DLX5: variants seen among roughly 807,000 people sequenced by gnomAD.
DLX5 encodes distal-less homeobox 5, also known as homeobox protein DLX-5.
In DLX5, 8 loss-of-function variants were observed where a neutral mutation model predicts 27.1. That is an observed-to-expected ratio of 0.30 (90% confidence interval 0.17 to 0.53). The LOEUF (loss-of-function observed/expected upper bound fraction) is 0.53. Among genes scored for constraint, DLX5 ranks in the 20% least tolerant of loss-of-function variants. DLX5 has a pLI of 0.95. For synonymous variants in DLX5, 178 were observed against 161.9 expected (o/e 1.10, Z -0.75); for missense variants, 339 against 375.1 (o/e 0.90, Z 0.80).
chr7:97,022,450 G>T (rs771156953), intron 1 of DLX5, 81 bp from the exon 2 acceptor site: 120 of 1,582,780 alleles, frequency 7.6e-5, no homozygotes, highest in Non-Finnish European at 1.0e-4. Flanking sequence ...TAGAGTCCTA[G>T]AGTTTCTTAC....
At chr7:97,022,578 G>C (rs190382717) in intron 1 of DLX5, 4 of 985,452 alleles carry the variant, frequency 4.1e-6, no homozygotes, top group Non-Finnish European at 4.8e-6. Flanking sequence ...TTCCTACTCT[G>C]TTCATTCAGA....
chr7:97,023,421 T>A (rs1790119274), intron 1 of DLX5, among the ~76,000 whole-genome samples: 1 of 151,634 alleles, frequency 6.6e-6, no homozygotes, highest in African/African-American at 2.4e-5. Flanking sequence ...TGGTCTCAAT[T>A]CTGCCAGAGT....
rs1297022233 is a variant in DLX5, at chr7:97,021,000, G to T, written c.606C>A (p.Pro202=). ...IKKIMKNGEM[P]PEHSPSSSDP... is the part of the protein sequence containing the mutation. ...CGCTGGAGCTGGGACTGTGCTCCGG[G>T]GGCATCTCCCCGTTTTTCATGATCT... Residue 202 remains proline (P), a synonymous_variant, in exon 3 of 3, where the codon CCC becomes CCA. Transcript: ENST00000648378. 6.2e-7 allele frequency: 1 copy of T among 1,613,664 alleles called. No homozygotes were observed. Among genetic ancestry groups the T allele is most frequent in the African/African-American group, 1.3e-5 (1 of 75,056 alleles).
Position 97,024,717 on chromosome 7 carries a change from G to A in DLX5, c.-94C>T, listed in dbSNP as rs1790146752. ...GGCTGCTCTGGTCTAAGCAGACATG[G>A]CTGTGGGAGCGAGGGAGGAGGAGGA... On this transcript the variant is annotated 5_prime_UTR_variant, in exon 1 of 3. Transcript: ENST00000648378. This position sits in a 1 kb window ranked among gnomAD's most constrained non-coding sequence, Gnocchi z 4.6. 9.1e-7 allele frequency: 1 copy of A among 1,100,422 alleles called. No individual in the cohort carries two copies. Among genetic ancestry groups the A allele is most frequent in the South Asian group, 1.6e-5 (1 of 64,128 alleles). 68.2% of individuals were successfully genotyped at this position (1,100,422 alleles called of 1,614,324 possible). A position where few individuals can be genotyped will look rare whatever the true frequency, so the allele number is the denominator to read the frequency against.
At chr7:97,023,023 CAAAA>C (rs10716251) in intron 1 of DLX5, among the ~76,000 whole-genome samples, 179 of 105,018 alleles carry the variant, frequency 1.7e-3, no homozygotes, top group South Asian at 7.4e-3. Flanking sequence ...ATGTTCTTGG[CAAAA>C]AAAAAAAAAA....
intron 1 of DLX5, among the ~76,000 whole-genome samples, chr7:97,023,023 CAAAAAAA>C (rs10716251): frequency 1.3e-4 from 14 of 105,004 alleles, no homozygotes; most frequent in Middle Eastern, 5.1e-3. Context: ...ATGTTCTTGG[CAAAAAAA>C]AAAAAAAAAA....
At position 97,024,061 on chromosome 7, in the gene DLX5, TTCGAACCTCCAC is replaced by T. The variant is rs1790132734; in HGVS notation, c.355+196_355+207del. Among the ~76,000 whole-genome samples the T allele has an allele frequency of 6.6e-6, 1 of 152,144 alleles. No individual in the cohort carries two copies. Among genetic ancestry groups the T allele is most frequent in the Non-Finnish European group, 1.5e-5 (1 of 68,028 alleles). On this transcript the variant is annotated intron_variant, in intron 1 of 2. Transcript: ENST00000648378. The surrounding 1 kb of genome is among the most constrained non-coding windows in gnomAD (Gnocchi z 4.6). ...AGGTGCCGGAGGGGAGAGACGCTAG[TTCGAACCTCCAC>T]AGGGCTCTCCTACTAAAAATCCCTA...
chr7:97,022,120 G>A lies in DLX5; in HGVS notation c.540+65C>T, dbSNP rs757774529. ...AAACAGCTCCAGTCCCATCGAGACT[G>A]AACCGCGCGACCCAACCAGACGTGC... On this transcript the variant is annotated intron_variant, in intron 2 of 2. Coordinates refer to ENST00000648378, the MANE Select transcript of DLX5 (RefSeq NM_005221.6). 8 of 1,601,978 alleles carry A rather than the reference G, an allele frequency of 5.0e-6. 1 individual carries two copies. In the South Asian group the frequency reaches 8.8e-5, roughly 18 times the overall value.
chr7:97,021,819 C>G (rs1790067192), intron 2 of DLX5, among the ~76,000 whole-genome samples: 2 of 152,176 alleles, frequency 1.3e-5, no homozygotes, highest in Admixed American at 1.3e-4. Flanking sequence ...AGGCCTTGCT[C>G]ACCCCCGAGG....
rs781456431 is a variant in DLX5 at position 97,024,376 on chromosome 7, G to A, written c.248C>T (p.Ser83Phe). The A allele has an allele frequency of 3.7e-6, 6 of 1,614,130 alleles. No individual in the cohort carries two copies. The highest frequency in any genetic ancestry group is 1.7e-5 in the Admixed American group (1 of 60,016). Reference sequence around the variant, plus strand: ...AGCTTTGGCTGGGTAGCTCCCGGCGGAGCCGTTCACGCCGTGATACTGATA... The same window carrying A: ...AGCTTTGGCTGGGTAGCTCCCGGCGAAGCCGTTCACGCCGTGATACTGATA... ...YQYQYHGVNGSAGSYPAKAYA... is the reference protein window; with the variant it reads ...YQYQYHGVNGFAGSYPAKAYA... Residue 83 changes from serine (S) to phenylalanine (F), a missense_variant, in exon 1 of 3, where the codon TCC becomes TTC. Around this residue, in one of 3 missense-constraint regions of DLX5, gnomAD observed 188 missense variants for 206.1 expected, o/e 0.91. Transcript: ENST00000648378. This position sits in a 1 kb window ranked among gnomAD's most constrained non-coding sequence, Gnocchi z 4.6.
intron 2 of DLX5, 98 bp downstream of exon 2, chr7:97,022,087 T>C: frequency 7.1e-7 from 1 of 1,412,504 alleles, no homozygotes; most frequent in Non-Finnish European, 9.9e-7. Context: ...TTCTCACGGG[T>C]ACTGTCAAAA....
chr7:97,021,411 G>A (rs1790054210), intron 2 of DLX5, among the ~76,000 whole-genome samples: 1 of 152,172 alleles, frequency 6.6e-6, no homozygotes, highest in Non-Finnish European at 1.5e-5. Flanking sequence ...AGGACGCGCG[G>A]AACGCGGCGA....
chr7:97,022,906 C>T (rs1014750577), intron 1 of DLX5, among the ~76,000 whole-genome samples: 23 of 151,812 alleles, frequency 1.5e-4, no homozygotes, highest in African/African-American at 5.6e-4. Flanking sequence ...CAGCAGCAAG[C>T]GGTCGGGGCC....
At chr7:97,022,419 C>T in intron 1 of DLX5, 50 bp from the exon 2 acceptor site, 1 of 1,605,072 alleles carries the variant, frequency 6.2e-7, no homozygotes. Flanking sequence ...GACAATGCCC[C>T]TTTTGCGGAA....
In DLX5 at chr7:97,024,466, CCCCCCG is replaced by C. The variant is rs750677902; in HGVS notation, c.152_157del (p.Thr51_Gly53delinsArg). ...AGGAGAGCAGTAGCCGTGCGGGGCTCCCCCCGTAGGGCTGTAGTAGTCAGAATCGGT... is the reference window on the plus strand; with the variant it reads ...AGGAGAGCAGTAGCCGTGCGGGGCTCTAGGGCTGTAGTAGTCAGAATCGGT... On this transcript the variant is annotated inframe_deletion, in exon 1 of 3. Transcript: ENST00000648378. The surrounding 1 kb of genome is among the most constrained non-coding windows in gnomAD (Gnocchi z 4.6). 85 of 1,614,066 alleles carry C rather than the reference CCCCCCG, an allele frequency of 5.3e-5. No individual in the cohort carries two copies. The highest frequency in any genetic ancestry group is 6.6e-5 in the Non-Finnish European group (78 of 1,180,040).
In DLX5 at chr7:97,022,386, G is replaced by A. The variant is rs755969884; in HGVS notation, c.356-17C>T. ...CTTCTTTCTCTAAATAATCAAAACAGACTCAGTTAAAGCTTGTCACCAGAC... is the reference window on the plus strand; with the variant it reads ...CTTCTTTCTCTAAATAATCAAAACAAACTCAGTTAAAGCTTGTCACCAGAC... On this transcript the variant is annotated splice_polypyrimidine_tract_variant and intron_variant, in intron 1 of 2. Coordinates refer to ENST00000648378, the MANE Select transcript of DLX5 (RefSeq NM_005221.6). 34 of 1,612,622 alleles carry A rather than the reference G, an allele frequency of 2.1e-5. No homozygotes were observed. The highest frequency in any genetic ancestry group is 2.8e-5 in the Non-Finnish European group (33 of 1,180,024).
At chr7:97,022,928 A>AG (rs1215584645) in intron 1 of DLX5, among the ~76,000 whole-genome samples, 1 of 150,022 alleles carries the variant, frequency 6.7e-6, no homozygotes, top group Non-Finnish European at 1.5e-5. Flanking sequence ...CCGCAGACAG[A>AG]GGGTCGATTA....
In DLX5 at chr7:97,020,852, A is replaced by G. The variant is rs747295818; in HGVS notation, c.754T>C (p.Tyr252His). 2.1e-5 allele frequency: 34 copies of G among 1,613,956 alleles called. No homozygotes were observed. Among genetic ancestry groups the G allele is most frequent in the Non-Finnish European group, 2.8e-5 (33 of 1,180,004 alleles). ...TACCAGGATGCAGAGTTCTCCAGGT[A>G]GCTGGACGCTGGGGACTGGTTGGAG... ...PTSNQSPASS[Y>H]LENSASWYTS... is the part of the protein sequence containing the mutation. The change falls in exon 3 of 3, where the codon TAC becomes CAC. Residue 252 changes from tyrosine (Y) to histidine (H), a missense_variant. Physicochemically the swap from Tyr to His is moderately conservative, Grantham distance 83. Coordinates refer to ENST00000648378, the MANE Select transcript of DLX5 (RefSeq NM_005221.6).
At position 97,024,601 on chromosome 7, in the gene DLX5, C is replaced by G. The variant is rs546551494; in HGVS notation, c.23G>C (p.Arg8Thr). 21 of 1,601,786 alleles carry G rather than the reference C, an allele frequency of 1.3e-5. No homozygotes were observed. In the African/African-American group the frequency reaches 2.4e-4, roughly 18 times the overall value. MTGVFDR[R>T]VPSIRSGDFQ... The stretch of plus-strand genomic sequence containing the variant: ...GTCGCCGGATCGGATGCTGGGGACC[C>G]TTCTGTCAAACACTCCTGTCATCGC... Residue 8 changes from arginine (R) to threonine (T), a missense_variant, in exon 1 of 3, where the codon AGG (arginine) becomes ACG (threonine). Around this residue, in one of 3 missense-constraint regions of DLX5, gnomAD observed 188 missense variants for 206.1 expected, o/e 0.91. Transcript: ENST00000648378. The surrounding 1 kb of genome is among the most constrained non-coding windows in gnomAD (Gnocchi z 4.6).
Sources: allele counts gnomAD v4.1 joint callset (sites outside exome capture counted in the v4.1 genomes callset), GRCh38; gene constraint gnomAD v4.1.1; regional missense constraint gnomAD v4.1.1; non-coding constraint Gnocchi (gnomAD v3.1); transcripts MANE v1.5; gene names NCBI Gene and HGNC (gene_info 2026-07-23, HGNC 2026-07-21).